The following TRAP1 variants were observed in gnomAD, a reference collection of about 807,000 sequenced individuals.
TRAP1 encodes TNF receptor associated protein 1, also known as heat shock protein 75 kDa, mitochondrial.
Under a neutral mutation model 89.1 loss-of-function variants are expected in TRAP1, and 102 were observed. The ratio of observed to expected loss-of-function variants is 1.15; its 90% CI spans 0.98 to 1.35. TRAP1 has a LOEUF of 1.35. TRAP1 is among the 40% of genes most tolerant of loss of function. TRAP1 has a pLI of 0.00. For missense variants in TRAP1, 1,256 were observed against 945.3 expected (o/e 1.33, Z -4.31); for synonymous variants, 508 against 388.0 (o/e 1.31, Z -3.64).
At chr16:3,671,484 C>T (rs1259577795) in intron 11 of TRAP1, among the ~76,000 whole-genome samples, 1 of 151,980 alleles carries the variant, frequency 6.6e-6, no homozygotes, top group African/African-American at 2.4e-5. Flanking sequence ...GCGGCCCCTC[C>T]CCCTATCCAG....
chr16:3,717,495 A>G lies in TRAP1; in HGVS notation c.14T>C (p.Leu5Pro), dbSNP rs2051613989. 4.5e-6 allele frequency: 6 copies of G among 1,345,750 alleles called. 1 individual carries two copies. 83.4% of individuals were successfully genotyped at this position (1,345,750 alleles called of 1,614,324 possible). ...GCGGCCCCACAGCAGCAGCGCCCGC[A>G]GCTCGCGCGCCATGTCGTACTCCCA... MARE[L>P]RALLLWGRRL... Residue 5 changes from leucine (L) to proline (P), a missense_variant, in exon 1 of 18, where the codon CTG becomes CCG. Leu to Pro is a moderately conservative substitution (Grantham distance 98). Coordinates refer to ENST00000246957, the MANE Select transcript of TRAP1 (RefSeq NM_016292.3).
rs370655284 is a variant in TRAP1 at position 3,670,178 on chromosome 16, C to T, written c.1235+1544G>A. On this transcript the variant is annotated intron_variant, in intron 11 of 17. Transcript: ENST00000246957. ...CAGGCGGATCACGAAGTCAGGAGAT[C>T]GAGACCATCCTGGCTAACACGGTGA... 4.2e-4 allele frequency among the ~76,000 whole-genome samples: 63 copies of T among 150,844 alleles called. No homozygotes were observed. The East Asian group carries it at 0.012, about 28-fold the overall frequency.
chr16:3,662,430 C>T (rs1479433447), intron 15 of TRAP1: 7 of 554,550 alleles, frequency 1.3e-5, no homozygotes, highest in Non-Finnish European at 2.3e-5. Context: ...GCATGAGGCC[C>T]CTTCCTCCAA....
At chr16:3,695,272 G>A (rs75712687) in intron 1 of TRAP1, among the ~76,000 whole-genome samples, 17,238 of 152,184 alleles carry the variant, frequency 0.11, 1,339 homozygotes, top group Non-Finnish European at 0.17. Flanking sequence ...CAAAGAAAGC[G>A]GGAAGGGGAG....
At chr16:3,680,564 G>T (rs1026127974) in intron 4 of TRAP1, among the ~76,000 whole-genome samples, 2 of 152,240 alleles carry the variant, frequency 1.3e-5, no homozygotes, top group Non-Finnish European at 2.9e-5. Context: ...ACCACCATGG[G>T]AACAGCGGGC....
intron 12 of TRAP1, chr16:3,665,439 C>G (rs1398971963): frequency 6.5e-6 from 1 of 154,282 alleles, no homozygotes; most frequent in African/African-American, 2.4e-5. Flanking sequence ...TAAGTTGTAT[C>G]TCAATAAAAA....
intron 4 of TRAP1, among the ~76,000 whole-genome samples, chr16:3,682,861 A>T (rs979694475): frequency 6.6e-6 from 1 of 151,982 alleles, no homozygotes; most frequent in African/African-American, 2.4e-5. Flanking sequence ...CCTGACTCTA[A>T]ACAAACATAA....
chr16:3,658,666 C>G (rs1473830293), intron 17 of TRAP1, 127 bp downstream of exon 17: 3 of 893,798 alleles, frequency 3.4e-6, no homozygotes, highest in Non-Finnish European at 5.1e-6. Flanking sequence ...AGCAACACTC[C>G]ATCTCAAAAA....
At chr16:3,694,185 C>T (rs1165456466) in intron 1 of TRAP1, among the ~76,000 whole-genome samples, 5 of 151,950 alleles carry the variant, frequency 3.3e-5, no homozygotes, top group African/African-American at 1.2e-4. Flanking sequence ...CTATGTGAGT[C>T]CTGGCTGTGT....
intron 12 of TRAP1, 66 bp from the exon 13 acceptor site, chr16:3,664,525 G>T (rs2151243681): frequency 2.6e-6 from 4 of 1,512,308 alleles, no homozygotes; most frequent in Non-Finnish European, 3.5e-6. Context: ...CCAACTAACT[G>T]GGCGCAAACC....
chr16:3,685,115 G>A (rs568656541), intron 4 of TRAP1, among the ~76,000 whole-genome samples: 57 of 152,284 alleles, frequency 3.7e-4, no homozygotes, highest in African/African-American at 1.2e-3. Flanking sequence ...GCTGAAAACA[G>A]GAGGAAAGCA....
In TRAP1 at chr16:3,712,285, C is replaced by CAAAAAAAAAA. The variant is rs764259574; in HGVS notation, c.88+5126_88+5135dup. ...GCCTGGCGACAGAAAGAATCTGTCT[C>CAAAAAAAAAA]AAAAAAAAAAAAAAAAAAAAAAAAA... On this transcript the variant is annotated intron_variant, in intron 1 of 17. Coordinates refer to ENST00000246957, the MANE Select transcript of TRAP1 (RefSeq NM_016292.3). Among the ~76,000 whole-genome samples, 6 of 32,080 alleles carry CAAAAAAAAAA rather than the reference C, an allele frequency of 1.9e-4. 1 individual carries two copies. The highest frequency in any genetic ancestry group is 7.0e-4 in the African/African-American group (6 of 8,602). The allele number at this position is 32,080 out of a possible 152,430, so 21.0% of individuals were successfully genotyped here.
intron 17 of TRAP1, 26 bp downstream of exon 17, chr16:3,658,767 C>T (rs2042880893): frequency 1.9e-6 from 3 of 1,608,264 alleles, no homozygotes; most frequent in South Asian, 1.1e-5. Context: ...TGGGTCCCTG[C>T]AGTCATCCTA....
At chr16:3,669,052 G>C (rs2050875073) in intron 11 of TRAP1, among the ~76,000 whole-genome samples, 1 of 152,182 alleles carries the variant, frequency 6.6e-6, no homozygotes, top group Non-Finnish European at 1.5e-5. Context: ...TCCAGCCCAG[G>C]GACATTGTAC....
At chr16:3,660,641 C>CCAAGT (rs2043018862) in intron 16 of TRAP1, 2 of 152,236 alleles carry the variant, frequency 1.3e-5, no homozygotes, top group Admixed American at 1.3e-4. Context: ...CAGCCATAAG[C>CCAAGT]CAAGTCAGCC....
intron 1 of TRAP1, among the ~76,000 whole-genome samples, chr16:3,708,493 C>A (rs1014940395): frequency 6.6e-6 from 1 of 151,858 alleles, no homozygotes; most frequent in Non-Finnish European, 1.5e-5. Flanking sequence ...AAAAATTAGC[C>A]GGGCGTGGTG....
chr16:3,714,642 G>C (rs1276393774), intron 1 of TRAP1, among the ~76,000 whole-genome samples: 1 of 152,204 alleles, frequency 6.6e-6, no homozygotes, highest in Non-Finnish European at 1.5e-5. Flanking sequence ...CTGGGCAACA[G>C]AGCAAGACTC....
At chr16:3,677,375 G>C in intron 6 of TRAP1, 123 bp downstream of exon 6, 3 of 1,332,666 alleles carry the variant, frequency 2.3e-6, no homozygotes, top group Non-Finnish European at 3.1e-6. Flanking sequence ...GGGAGAGTCA[G>C]ATTTCATATA....
intron 1 of TRAP1, among the ~76,000 whole-genome samples, chr16:3,698,370 G>A (rs959242127): frequency 2.0e-5 from 3 of 151,186 alleles, no homozygotes; most frequent in African/African-American, 7.3e-5. Context: ...GCAGTGCAGG[G>A]CGCCATCTCG....
Sources: allele counts gnomAD v4.1 joint callset (sites outside exome capture counted in the v4.1 genomes callset), GRCh38; gene constraint gnomAD v4.1.1; transcripts MANE v1.5; gene names NCBI Gene and HGNC (gene_info 2026-07-23, HGNC 2026-07-21).